The following SPAG16 variants were observed in gnomAD, a reference collection of about 807,000 sequenced individuals.
SPAG16 encodes the protein sperm associated antigen 16, also known as sperm-associated antigen 16 protein.
In SPAG16, 86 loss-of-function variants were observed where a neutral mutation model predicts 80.4. The ratio of observed to expected loss-of-function variants is 1.07; its 90% CI spans 0.90 to 1.28. The LOEUF is 1.28. Ranked by LOEUF, SPAG16 falls within the 50% of genes most tolerant of loss-of-function variation. SPAG16 has a pLI of 0.00. For synonymous variants in SPAG16, 294 were observed against 265.9 expected (o/e 1.11, Z -1.03); for missense variants, 870 against 765.3 (o/e 1.14, Z -1.61).
rs546683180 is a variant in SPAG16, at chr2:214,046,764, T to A, written c.1527+32687T>A. Among the ~76,000 whole-genome samples, 16 of 152,296 alleles carry A rather than the reference T, an allele frequency of 1.1e-4. No homozygotes were observed. In the South Asian group the frequency reaches 3.3e-3, roughly 32 times the overall value. On this transcript the variant is annotated intron_variant, in intron 13 of 15. Coordinates refer to ENST00000331683, the MANE Select transcript of SPAG16 (RefSeq NM_024532.5). Reference sequence around the variant, plus strand: ...AAGTTAAATTATCCTGGTTCACAGATGATATGATCTTATATTTGGAAATAC... The same window carrying A: ...AAGTTAAATTATCCTGGTTCACAGAAGATATGATCTTATATTTGGAAATAC...
intron 13 of SPAG16, among the ~76,000 whole-genome samples, chr2:214,097,343 T>G (rs13423281): frequency 0.092 from 14,026 of 152,090 alleles, 826 homozygotes; most frequent in East Asian, 0.29. Context: ...TTTATTTAGA[T>G]AAATTATTTT....
intron 10 of SPAG16, among the ~76,000 whole-genome samples, chr2:213,778,047 A>C (rs962928604): frequency 6.6e-6 from 1 of 152,142 alleles, no homozygotes; most frequent in African/African-American, 2.4e-5. Context: ...GGATATGTAA[A>C]AATACTGTAT....
chr2:214,093,388 C>T (rs2052354142), intron 13 of SPAG16, among the ~76,000 whole-genome samples: 1 of 151,526 alleles, frequency 6.6e-6, no homozygotes, highest in Non-Finnish European at 1.5e-5. Flanking sequence ...TATGCTATTC[C>T]TTCTATACAT....
chr2:213,625,718 C>T (rs1289380497), intron 10 of SPAG16, among the ~76,000 whole-genome samples: 1 of 151,968 alleles, frequency 6.6e-6, no homozygotes, highest in East Asian at 1.9e-4. Flanking sequence ...GAGTCTTGCT[C>T]TGTTGCCCAG....
At chr2:213,435,832 C>T (rs2070605150) in intron 9 of SPAG16, among the ~76,000 whole-genome samples, 2 of 152,100 alleles carry the variant, frequency 1.3e-5, no homozygotes, top group Admixed American at 1.3e-4. Context: ...TAAGGGTCAA[C>T]GTTAATCATC....
chr2:213,949,026 C>A (rs2079588429), intron 12 of SPAG16, among the ~76,000 whole-genome samples: 1 of 152,012 alleles, frequency 6.6e-6, no homozygotes, highest in Non-Finnish European at 1.5e-5. Context: ...CTAAATAATT[C>A]TGAGTACTTT....
At chr2:213,920,771 C>T (rs2078182767) in intron 11 of SPAG16, among the ~76,000 whole-genome samples, 1 of 152,198 alleles carries the variant, frequency 6.6e-6, no homozygotes, top group African/African-American at 2.4e-5. Context: ...GATAATGTCT[C>T]CTGTGGTAGC....
chr2:214,157,911 A>G (rs2056282852), intron 15 of SPAG16, among the ~76,000 whole-genome samples: 1 of 152,056 alleles, frequency 6.6e-6, no homozygotes, highest in Non-Finnish European at 1.5e-5. Context: ...CTTTAAGCAC[A>G]ATGTTTTAAG....
At chr2:213,817,254 A>T (rs2072608041) in intron 10 of SPAG16, among the ~76,000 whole-genome samples, 1 of 141,202 alleles carries the variant, frequency 7.1e-6, no homozygotes, top group Non-Finnish European at 1.5e-5. Flanking sequence ...ACTTATATAT[A>T]TGATATATAT....
intron 9 of SPAG16, among the ~76,000 whole-genome samples, chr2:213,377,865 A>G (rs2066955959): frequency 6.7e-6 from 1 of 149,420 alleles, no homozygotes; most frequent in Non-Finnish European, 1.5e-5. Flanking sequence ...CCAGAGGGAT[A>G]GAACTAATAG....
intron 15 of SPAG16, among the ~76,000 whole-genome samples, chr2:214,176,097 T>C (rs115787196): frequency 9.2e-5 from 14 of 151,624 alleles, no homozygotes; most frequent in African/African-American, 3.1e-4. Flanking sequence ...ATTCATCTTT[T>C]AATGTATGGA....
At chr2:213,590,840 A>G (rs918726809) in intron 10 of SPAG16, among the ~76,000 whole-genome samples, 3 of 152,172 alleles carry the variant, frequency 2.0e-5, no homozygotes, top group Non-Finnish European at 4.4e-5. Flanking sequence ...CCAAAAAGAC[A>G]CCTACACTCA....
At chr2:213,640,234 C>G (rs975489423) in intron 10 of SPAG16, among the ~76,000 whole-genome samples, 3 of 152,096 alleles carry the variant, frequency 2.0e-5, no homozygotes, top group Admixed American at 2.0e-4. Context: ...CTTCTGAATT[C>G]TTTTTCTGAC....
intron 10 of SPAG16, among the ~76,000 whole-genome samples, chr2:213,588,839 A>AAAAAAAAAAAC (rs2060574489): frequency 6.9e-6 from 1 of 144,948 alleles, no homozygotes. Context: ...AAAAAAAAAA[A>AAAAAAAAAAAC]AAAAGACTCC....
At chr2:214,012,284 ATATATT>A (rs1280606495) in intron 12 of SPAG16, among the ~76,000 whole-genome samples, 2 of 54,614 alleles carry the variant, frequency 3.7e-5, no homozygotes, top group Non-Finnish European at 5.8e-5. Context: ...ATATATATAT[ATATATT>A]TTTTTTTTTT....
chr2:213,723,860 A>G (rs917897867), intron 10 of SPAG16, among the ~76,000 whole-genome samples: 15 of 152,238 alleles, frequency 9.9e-5, no homozygotes, highest in Non-Finnish European at 1.9e-4. Context: ...TTCTATAGAT[A>G]AGAATGGTCT....
intron 10 of SPAG16, among the ~76,000 whole-genome samples, chr2:213,818,363 A>T (rs972305975): frequency 1.3e-5 from 2 of 152,044 alleles, no homozygotes; most frequent in African/African-American, 4.8e-5. Context: ...ATCTCAGGTC[A>T]TTGTTTTCTT....
chr2:214,396,912 C>T (rs1701421399), intron 15 of SPAG16, among the ~76,000 whole-genome samples: 1 of 151,684 alleles, frequency 6.6e-6, no homozygotes, highest in Non-Finnish European at 1.5e-5. Context: ...AAAAAAAGCA[C>T]TTTTCTTTAG....
chr2:213,380,503 C>T (rs151185747), intron 9 of SPAG16, among the ~76,000 whole-genome samples: 193 of 152,220 alleles, frequency 1.3e-3, no homozygotes, highest in African/African-American at 4.1e-3. Context: ...TGCTTGAGCC[C>T]GATCACACAT....
Sources: gnomAD v4.1 joint callset for allele counts (sites outside exome capture counted in the v4.1 genomes callset) on GRCh38, gnomAD v4.1.1 for gene constraint, MANE v1.5 for transcripts, NCBI Gene and HGNC (gene_info 2026-07-23, HGNC 2026-07-21) for gene names.